FOCAD: variants seen among roughly 807,000 people sequenced by gnomAD.
FOCAD encodes the protein KIAA1797.
In FOCAD, 198 loss-of-function variants were observed where a neutral mutation model predicts 225.6. The observed-to-expected ratio is 0.88, with a 90% confidence interval of 0.78 to 0.99. FOCAD has a LOEUF of 0.99. Among genes scored for constraint, FOCAD ranks in the 50% least tolerant of loss-of-function variants. The pLI, the probability that FOCAD is intolerant of heterozygous loss-of-function variation, is 0.00. For missense variants in FOCAD, 2,713 were observed against 2,123.6 expected, an observed-to-expected ratio of 1.28 and a Z score of -5.46; for synonymous variants, 897 against 755.0, an observed-to-expected ratio of 1.19 and a Z score of -3.08.
chr9:20,742,529 G>A (rs1336731029), intron 5 of FOCAD, among the ~76,000 whole-genome samples: 4 of 152,146 alleles, frequency 2.6e-5, no homozygotes, highest in African/African-American at 9.7e-5. Context: ...GCAGAACCTT[G>A]GACTCCATCT....
intron 22 of FOCAD, among the ~76,000 whole-genome samples, chr9:20,911,894 G>T (rs994857288): frequency 3.9e-5 from 6 of 152,062 alleles, no homozygotes; most frequent in Non-Finnish European, 8.8e-5. Flanking sequence ...TAGAGAAATG[G>T]ACAGAATAGA....
intron 19 of FOCAD, among the ~76,000 whole-genome samples, chr9:20,881,338 AG>A (rs1355057248): frequency 6.6e-6 from 1 of 152,160 alleles, no homozygotes; most frequent in African/African-American, 2.4e-5. Flanking sequence ...ATTAACTCTG[AG>A]GGGGAGTCAG....
chr9:20,762,994 A>G (rs189476051), intron 6 of FOCAD, among the ~76,000 whole-genome samples: 103 of 152,320 alleles, frequency 6.8e-4, no homozygotes, highest in Admixed American at 2.4e-3. Flanking sequence ...GTCACTTTCT[A>G]TCATCTAGTT....
chr9:20,683,841 T>C (rs1181067919), upstream of FOCAD: 3 of 152,204 alleles, frequency 2.0e-5, no homozygotes, highest in Non-Finnish European at 2.9e-5. Context: ...ATCAGTATTA[T>C]TTATTTCCCC....
intron 4 of FOCAD, among the ~76,000 whole-genome samples, chr9:20,737,299 A>G (rs1827225657): frequency 1.3e-5 from 2 of 152,258 alleles, no homozygotes; most frequent in African/African-American, 4.8e-5. Flanking sequence ...GTAGGACACC[A>G]TAAAAACCAT....
intron 28 of FOCAD, among the ~76,000 whole-genome samples, chr9:20,943,031 C>A (rs893949492): frequency 6.6e-6 from 1 of 152,190 alleles, no homozygotes; most frequent in Non-Finnish European, 1.5e-5. Context: ...TATCTTTGGT[C>A]TAATTCTGTC....
chr9:20,937,109 C>T (rs1046037010), intron 28 of FOCAD, among the ~76,000 whole-genome samples: 4 of 150,836 alleles, frequency 2.7e-5, no homozygotes, highest in East Asian at 3.9e-4. Context: ...ACATTCCATG[C>T]TCATGGGTAG....
chr9:20,850,844 C>G (rs1827576939), intron 15 of FOCAD, among the ~76,000 whole-genome samples: 1 of 148,470 alleles, frequency 6.7e-6, no homozygotes, highest in Non-Finnish European at 1.5e-5. Flanking sequence ...CCCTCTATAT[C>G]TAGTATGAAA....
intron 11 of FOCAD, among the ~76,000 whole-genome samples, chr9:20,792,287 G>T (rs1337969746): frequency 3.3e-5 from 5 of 152,176 alleles, no homozygotes; most frequent in African/African-American, 9.6e-5. Flanking sequence ...TTTGAGATAG[G>T]TTGAGTTGGT....
At chr9:20,907,949 A>T (rs1833121306) in intron 22 of FOCAD, among the ~76,000 whole-genome samples, 1 of 152,074 alleles carries the variant, frequency 6.6e-6, no homozygotes, top group Admixed American at 6.6e-5. Flanking sequence ...TGTACTCCTA[A>T]GGACAGGAGC....
At position 20,707,507 on chromosome 9, in the gene FOCAD, T is replaced by C. The variant is rs561977944; in HGVS notation, c.-32-7815T>C. The stretch of plus-strand genomic sequence containing the variant: ...AAGAACTTAACTACCAATAGTCTTA[T>C]GGATATTATAAACAGTTGATTCGTA... On this transcript the variant is annotated intron_variant, in intron 1 of 43. Transcript: ENST00000338382. Among the ~76,000 whole-genome samples, 20 of 152,312 alleles carry C rather than the reference T, an allele frequency of 1.3e-4. No homozygotes were observed. The South Asian group carries it at 3.3e-3, about 25-fold the overall frequency.
Position 20,901,844 on chromosome 9 carries a change from A to T in FOCAD, c.2626-5306A>T, listed in dbSNP as rs115619080. Among the ~76,000 whole-genome samples the T allele has an allele frequency of 1.4e-3, 197 of 137,952 alleles. 1 individual carries two copies. The highest frequency in any genetic ancestry group is 5.1e-3 in the African/African-American group (193 of 37,934). 90.5% of individuals were successfully genotyped at this position (137,952 alleles called of 152,430 possible). Reference sequence around the variant, plus strand: ...ATCTGCTTTAAAATTTTACTGTGTCATTCAATATGTTTTTATCTGGAATTA... The same window carrying T: ...ATCTGCTTTAAAATTTTACTGTGTCTTTCAATATGTTTTTATCTGGAATTA... On this transcript the variant is annotated intron_variant, in intron 21 of 43. Coordinates refer to ENST00000338382, the MANE Select transcript of FOCAD (RefSeq NM_001375567.1).
intron 35 of FOCAD, among the ~76,000 whole-genome samples, chr9:20,972,453 A>G (rs1303276601): frequency 6.6e-6 from 1 of 151,960 alleles, no homozygotes; most frequent in Non-Finnish European, 1.5e-5. Flanking sequence ...TCTTTGGGAA[A>G]ATGTCTAAGT....
intron 37 of FOCAD, among the ~76,000 whole-genome samples, chr9:20,979,161 C>T (rs1287080306): frequency 6.6e-6 from 1 of 152,162 alleles, no homozygotes; most frequent in African/African-American, 2.4e-5. Flanking sequence ...AAACATATTC[C>T]ATGATTCTTT....
intron 18 of FOCAD, 34 bp downstream of exon 18, chr9:20,867,046 A>G: frequency 2.8e-6 from 4 of 1,413,892 alleles, no homozygotes; most frequent in South Asian, 1.2e-5. Context: ...GGTATTTCTT[A>G]ATTTGCTAGG....
intron 10 of FOCAD, among the ~76,000 whole-genome samples, chr9:20,785,158 A>G (rs1257078355): frequency 6.6e-6 from 1 of 152,198 alleles, no homozygotes; most frequent in Admixed American, 6.5e-5. Context: ...ATTTTACCTA[A>G]GAGTTAACTG....
intron 15 of FOCAD, among the ~76,000 whole-genome samples, chr9:20,852,320 A>G (rs79677527): frequency 3.1e-3 from 476 of 151,888 alleles, no homozygotes; most frequent in Admixed American, 4.3e-3. Flanking sequence ...GTTTGTTTCT[A>G]TGAAAAGGGA....
chr9:20,693,070 C>G lies in FOCAD; in HGVS notation c.-33+8777C>G, dbSNP rs1335139774. On this transcript the variant is annotated intron_variant, in intron 1 of 43. Coordinates refer to ENST00000338382, the MANE Select transcript of FOCAD (RefSeq NM_001375567.1). Reference sequence around the variant, plus strand: ...CTGCCCCAAACTCTCCAGTGGCTTCCCGTTGCCACCCAAAGTAAAAGGCAG... The same window carrying G: ...CTGCCCCAAACTCTCCAGTGGCTTCGCGTTGCCACCCAAAGTAAAAGGCAG... Among the ~76,000 whole-genome samples the G allele has an allele frequency of 5.3e-5, 8 of 152,142 alleles. No homozygotes were observed. The East Asian group carries it at 1.5e-3, about 29-fold the overall frequency.
At chr9:20,691,721 C>T (rs771033902) in intron 1 of FOCAD, among the ~76,000 whole-genome samples, 1 of 151,522 alleles carries the variant, frequency 6.6e-6, no homozygotes, top group Admixed American at 6.6e-5. Context: ...ACCTCGTGAT[C>T]TGCCCACTTC....
Sources: gnomAD v4.1 joint callset for allele counts (sites outside exome capture counted in the v4.1 genomes callset) on GRCh38, gnomAD v4.1.1 for gene constraint, MANE v1.5 for transcripts, NCBI Gene and HGNC (gene_info 2026-07-23, HGNC 2026-07-21) for gene names.